PLEKHM3: variants seen among roughly 807,000 people sequenced by gnomAD.
PLEKHM3 encodes the protein pleckstrin homology domain containing M3, also known as pleckstrin homology domain-containing family M member 3.
Under a neutral mutation model 81.8 loss-of-function variants are expected in PLEKHM3, and 45 were observed. The ratio of observed to expected loss-of-function variants is 0.55; its 90% confidence interval spans 0.43 to 0.71. The LOEUF (loss-of-function observed/expected upper bound fraction) is 0.71, where lower values mean the gene tolerates loss of function less well. Among genes scored for constraint, PLEKHM3 ranks in the 30% least tolerant of loss-of-function variants. The probability of loss-of-function intolerance (pLI) is 0.00; values close to 1 mark genes in which losing one functional copy is unlikely to be tolerated. For missense variants in PLEKHM3, 788 were observed against 924.3 expected, an observed-to-expected ratio of 0.85 and a Z score of 1.91; for synonymous variants, 352 against 356.4, an observed-to-expected ratio of 0.99 and a Z score of 0.14.
intron 7 of PLEKHM3, among the ~76,000 whole-genome samples, chr2:207,832,314 C>G (rs532817248): frequency 6.6e-6 from 1 of 152,040 alleles, no homozygotes; most frequent in Non-Finnish European, 1.5e-5. Flanking sequence ...CTCCCCCAAC[C>G]CTTTTCTCTT....
intron 7 of PLEKHM3, among the ~76,000 whole-genome samples, chr2:207,853,646 A>G (rs901618168): frequency 1.3e-5 from 2 of 151,848 alleles, no homozygotes; most frequent in African/African-American, 4.8e-5. Context: ...AGGCAGGAGA[A>G]TCACTTGAAC....
intron 2 of PLEKHM3, among the ~76,000 whole-genome samples, chr2:207,997,837 T>C (rs1346910198): frequency 1.3e-5 from 2 of 152,234 alleles, no homozygotes; most frequent in African/African-American, 2.4e-5. Context: ...GCCAAGGTAC[T>C]ACACTGCCTC....
chr2:207,901,330 T>C lies in PLEKHM3; in HGVS notation c.1950+7184A>G, dbSNP rs772496935. ...GGTCTGCAGAACAGAAAAGTCAGCT[T>C]GCATAAAGAACAATCTGCACCAGCA... On this transcript the variant is annotated intron_variant, in intron 6 of 7. Coordinates refer to ENST00000427836, the MANE Select transcript of PLEKHM3 (RefSeq NM_001080475.3). 309 of 702,906 alleles carry C rather than the reference T, an allele frequency of 4.4e-4. 1 individual carries two copies. Among genetic ancestry groups the C allele is most frequent in the Non-Finnish European group, 6.8e-4 (260 of 385,016 alleles). 43.5% of individuals were successfully genotyped at this position (702,906 alleles called of 1,614,324 possible). A position where few individuals can be genotyped will look rare whatever the true frequency, so the allele number is the denominator to read the frequency against.
At chr2:207,949,194 T>C (rs1271902586) in intron 3 of PLEKHM3, among the ~76,000 whole-genome samples, 2 of 152,254 alleles carry the variant, frequency 1.3e-5, no homozygotes, top group African/African-American at 4.8e-5. Flanking sequence ...CTTTCATTAA[T>C]ATCGCTGTTA....
chr2:207,888,354 TAC>T (rs72373527), intron 6 of PLEKHM3, among the ~76,000 whole-genome samples: 46,558 of 150,020 alleles, frequency 0.31, 7,313 homozygotes, highest in Middle Eastern at 0.4. Flanking sequence ...CTTTTCTTCA[TAC>T]ACACACACAC....
chr2:207,863,810 T>C (rs1298835325), intron 6 of PLEKHM3, among the ~76,000 whole-genome samples: 6 of 152,176 alleles, frequency 3.9e-5, no homozygotes, highest in Non-Finnish European at 8.8e-5. Context: ...GGCAATGTAT[T>C]ACCTCCTTAA....
chr2:208,004,385 T>G (rs1368805881), intron 1 of PLEKHM3, among the ~76,000 whole-genome samples: 1 of 150,412 alleles, frequency 6.6e-6, no homozygotes, highest in Non-Finnish European at 1.5e-5. Context: ...GCCACTGCAC[T>G]CCAGCCTGGG....
In PLEKHM3 at chr2:207,826,793, A is replaced by C. The variant is rs866005175; in HGVS notation, c.*1526T>G. ...AACTACTAAACCATGAAGACATAGAAGGCATCTGCTCAGCGCGAAAGCTAC... is the reference window on the plus strand; with the variant it reads ...AACTACTAAACCATGAAGACATAGACGGCATCTGCTCAGCGCGAAAGCTAC... On this transcript the variant is annotated 3_prime_UTR_variant, in exon 8 of 8. Transcript: ENST00000427836. The C allele has an allele frequency of 6.6e-6, 1 of 152,244 alleles. No individual in the cohort carries two copies. The highest frequency in any genetic ancestry group is 1.5e-5 in the Non-Finnish European group (1 of 68,050). The allele number at this position is 152,244 out of a possible 1,614,324, so 9.4% of individuals were successfully genotyped here. A position where few individuals can be genotyped will look rare whatever the true frequency, so the allele number is the denominator to read the frequency against.
At chr2:207,880,468 A>T (rs900973344) in intron 6 of PLEKHM3, among the ~76,000 whole-genome samples, 1 of 151,072 alleles carries the variant, frequency 6.6e-6, no homozygotes, top group Admixed American at 6.6e-5. Flanking sequence ...TTAGCTTCAC[A>T]AATAAAAAAT....
intron 1 of PLEKHM3, among the ~76,000 whole-genome samples, chr2:208,020,103 A>G (rs1693075765): frequency 6.6e-6 from 1 of 152,230 alleles, no homozygotes; most frequent in Non-Finnish European, 1.5e-5. Flanking sequence ...AATCACACCT[A>G]CAGAACACAA....
At chr2:207,969,283 T>G (rs1480299146) in intron 3 of PLEKHM3, among the ~76,000 whole-genome samples, 1 of 152,222 alleles carries the variant, frequency 6.6e-6, no homozygotes, top group Non-Finnish European at 1.5e-5. Flanking sequence ...CAAATTCGAT[T>G]TCCCTTTTTC....
intron 6 of PLEKHM3, among the ~76,000 whole-genome samples, chr2:207,905,141 T>C (rs1688560497): frequency 6.6e-6 from 1 of 152,180 alleles, no homozygotes; most frequent in African/African-American, 2.4e-5. Flanking sequence ...AATATCTGCA[T>C]TATTGTTTTT....
Position 207,826,339 on chromosome 2 carries a change from T to C in PLEKHM3, c.*1980A>G, listed in dbSNP as rs2092251252. 6.6e-6 allele frequency: 1 copy of C among 152,222 alleles called. No individual in the cohort carries two copies. Among genetic ancestry groups the C allele is most frequent in the Non-Finnish European group, 1.5e-5 (1 of 68,040 alleles). The allele number at this position is 152,222 out of a possible 1,614,324, so 9.4% of individuals were successfully genotyped here. On this transcript the variant is annotated 3_prime_UTR_variant, in exon 8 of 8. Transcript: ENST00000427836. Reference sequence around the variant, plus strand: ...AAGGAGATGATCAAATTTGTTTGCCTGTTGCCAAGTGTTTGAGATTTTCCA... The same window carrying C: ...AAGGAGATGATCAAATTTGTTTGCCCGTTGCCAAGTGTTTGAGATTTTCCA...
At chr2:207,916,285 T>C (rs1264374495) in intron 5 of PLEKHM3, among the ~76,000 whole-genome samples, 1 of 152,210 alleles carries the variant, frequency 6.6e-6, no homozygotes, top group African/African-American at 2.4e-5. Flanking sequence ...TAGAAATATC[T>C]GGGATGTAAT....
At chr2:207,846,299 A>G (rs950971874) in intron 7 of PLEKHM3, among the ~76,000 whole-genome samples, 4 of 151,462 alleles carry the variant, frequency 2.6e-5, no homozygotes, top group Non-Finnish European at 5.9e-5. Context: ...CCGCCACCAC[A>G]CCCGGCTAAT....
intron 4 of PLEKHM3, among the ~76,000 whole-genome samples, chr2:207,940,203 G>A (rs190324951): frequency 6.6e-6 from 1 of 152,282 alleles, no homozygotes; most frequent in East Asian, 1.9e-4. Flanking sequence ...CAAGCAACTA[G>A]CTGTTATATA....
chr2:207,897,451 G>C (rs1409135860), intron 6 of PLEKHM3, among the ~76,000 whole-genome samples: 1 of 152,188 alleles, frequency 6.6e-6, no homozygotes, highest in African/African-American at 2.4e-5. Context: ...AGTTCTAAGT[G>C]CTTTATGCAT....
chr2:207,985,869 T>A (rs1042294856), intron 2 of PLEKHM3, among the ~76,000 whole-genome samples: 1 of 151,550 alleles, frequency 6.6e-6, no homozygotes, highest in Non-Finnish European at 1.5e-5. Context: ...GCACCTGTAG[T>A]CCCAGCTACT....
chr2:207,860,635 C>T lies in PLEKHM3; in HGVS notation c.2108+470G>A, dbSNP rs559915727. ...TCTCTCCTTTGGATCCTAAAACTTT[C>T]ATCGCTCCACTGCAGTGCATGCATC... On this transcript the variant is annotated intron_variant, in intron 7 of 7. Transcript: ENST00000427836. 6.6e-5 allele frequency among the ~76,000 whole-genome samples: 10 copies of T among 152,312 alleles called. No individual in the cohort carries two copies. In the South Asian group the frequency reaches 1.9e-3, roughly 28 times the overall value.
Sources: allele counts gnomAD v4.1 joint callset (sites outside exome capture counted in the v4.1 genomes callset), GRCh38; gene constraint gnomAD v4.1.1; transcripts MANE v1.5; gene names NCBI Gene and HGNC (gene_info 2026-07-23, HGNC 2026-07-21).